The following FAAH2 variants were observed in gnomAD, a reference collection of about 807,000 sequenced individuals.
FAAH2 encodes the protein fatty acid amide hydrolase 2.
In FAAH2, 60 loss-of-function variants were observed where a neutral mutation model predicts 36.9. The observed-to-expected ratio is 1.63, with a 90% confidence interval of 1.32 to 2.02. The LOEUF (loss-of-function observed/expected upper bound fraction) is 2.02, where lower values mean the gene tolerates loss of function less well. Ranked by LOEUF, FAAH2 falls within the 30% of genes most tolerant of loss-of-function variation. FAAH2 has a pLI of 0.00. For missense variants in FAAH2, 689 were observed against 397.5 expected (o/e 1.73, Z -6.23); for synonymous variants, 214 against 143.8 (o/e 1.49, Z -3.49).
chrX:57,270,860 C>T, the FAAH2 span, among the ~76,000 whole-genome samples: 1 of 112,225 alleles, frequency 8.9e-6, no homozygotes, highest in Non-Finnish European at 1.9e-5. Flanking sequence ...GGTGCCTACC[C>T]CACCAAGGCC....
intron 8 of FAAH2, among the ~76,000 whole-genome samples, chrX:57,437,914 C>T (rs895359024): frequency 3.0e-5 from 3 of 100,695 alleles, no homozygotes; most frequent in Non-Finnish European, 4.0e-5. Flanking sequence ...TATATACATA[C>T]GTACATGTAT....
In FAAH2 at chrX:57,341,264, C is replaced by T. The variant is rs775496620; in HGVS notation, c.623-7C>T. 4 of 1,198,229 alleles carry T rather than the reference C, an allele frequency of 3.3e-6. No individual in the cohort carries two copies. Among genetic ancestry groups the T allele is most frequent in the Non-Finnish European group, 4.5e-6 (4 of 889,741 alleles). On this transcript the variant is annotated splice_region_variant and splice_polypyrimidine_tract_variant and intron_variant, in intron 4 of 10. Transcript: ENST00000374900. Reference sequence around the variant, plus strand: ...ATTTATTTGCAAGTATTTTGTGTTTCTTGTAGGTGGTGAGGGCTGCACACT... The same window carrying T: ...ATTTATTTGCAAGTATTTTGTGTTTTTTGTAGGTGGTGAGGGCTGCACACT...
intron 3 of FAAH2, among the ~76,000 whole-genome samples, chrX:57,321,774 A>G (rs772894584): frequency 9.1e-6 from 1 of 110,386 alleles, no homozygotes; most frequent in Non-Finnish European, 1.9e-5. Flanking sequence ...ATATGTATGG[A>G]TTTGTTGCTG....
chrX:57,472,394 CAAGA>C (rs746793653), intron 10 of FAAH2, among the ~76,000 whole-genome samples: 2 of 112,157 alleles, frequency 1.8e-5, no homozygotes, highest in African/African-American at 6.5e-5. Context: ...AACAAATTTA[CAAGA>C]AAGAAACAAC....
At chrX:57,214,363 A>G in the FAAH2 span, among the ~76,000 whole-genome samples, 1 of 111,843 alleles carries the variant, frequency 8.9e-6, no homozygotes, top group Admixed American at 9.5e-5. Context: ...TTGTAGATTT[A>G]CTAGTTCTCT....
At chrX:57,479,596 T>G (rs772578419) in intron 10 of FAAH2, among the ~76,000 whole-genome samples, 1 of 111,796 alleles carries the variant, frequency 8.9e-6, no homozygotes, top group East Asian at 2.8e-4. Context: ...TTCCAGTTTT[T>G]GCCTATTTAG....
chrX:57,123,957 TGTTCACTCTGATGGTA>T, the FAAH2 span, among the ~76,000 whole-genome samples: 1 of 112,029 alleles, frequency 8.9e-6, no homozygotes, highest in African/African-American at 3.3e-5. Context: ...GTAGGTTGCC[TGTTCACTCTGATGGTA>T]GTTTCTTTTG....
At chrX:57,419,163 T>A (rs1430705137) in intron 7 of FAAH2, among the ~76,000 whole-genome samples, 4 of 110,705 alleles carry the variant, frequency 3.6e-5, no homozygotes, top group African/African-American at 1.3e-4. Flanking sequence ...TTGTGAATAG[T>A]GCCACAATAA....
In FAAH2 at chrX:57,423,697, G is replaced by C. The variant is rs1290512659; in HGVS notation, c.997-8221G>C. ...GTGTTAGAATTGCTATCTAACTCCTGTCTGGGCTGGTGCTTGTGCGTGCCA... is the reference window on the plus strand; with the variant it reads ...GTGTTAGAATTGCTATCTAACTCCTCTCTGGGCTGGTGCTTGTGCGTGCCA... On this transcript the variant is annotated intron_variant, in intron 7 of 10. Coordinates refer to ENST00000374900, the MANE Select transcript of FAAH2 (RefSeq NM_174912.4). Among the ~76,000 whole-genome samples, 3 of 111,226 alleles carry C rather than the reference G, an allele frequency of 2.7e-5. 1 individual carries two copies. The highest frequency in any genetic ancestry group is 1.9e-4 in the Admixed American group (2 of 10,456).
the FAAH2 span, among the ~76,000 whole-genome samples, chrX:57,218,211 C>G: frequency 9.0e-6 from 1 of 111,684 alleles, no homozygotes; most frequent in Non-Finnish European, 1.9e-5. Context: ...TCTGATTGCT[C>G]TGGCTAGATC....
chrX:57,374,882 C>T (rs1001469830), intron 5 of FAAH2, among the ~76,000 whole-genome samples: 4 of 111,312 alleles, frequency 3.6e-5, no homozygotes, highest in East Asian at 5.6e-4. Flanking sequence ...AGGTATGTCC[C>T]TTGTATGCCG....
chrX:57,401,628 T>C (rs954088444), intron 7 of FAAH2, among the ~76,000 whole-genome samples: 4 of 111,588 alleles, frequency 3.6e-5, no homozygotes. Flanking sequence ...TTTTAGGTCT[T>C]TAACAATCTT....
the FAAH2 span, among the ~76,000 whole-genome samples, chrX:57,161,445 A>G: frequency 9.0e-6 from 1 of 110,864 alleles, no homozygotes; most frequent in Non-Finnish European, 1.9e-5. Flanking sequence ...GATCTGTCTA[A>G]TGTCGACAGT....
the FAAH2 span, among the ~76,000 whole-genome samples, chrX:57,159,464 A>G: frequency 9.0e-6 from 1 of 111,305 alleles, no homozygotes; most frequent in Non-Finnish European, 1.9e-5. Context: ...GATTCTTCCT[A>G]CCCATGAGCA....
the FAAH2 span, among the ~76,000 whole-genome samples, chrX:57,270,765 T>C: frequency 9.0e-6 from 1 of 111,325 alleles, no homozygotes; most frequent in African/African-American, 3.3e-5. Context: ...AGAGAACCCA[T>C]GAGGGTCTAA....
chrX:57,147,495 T>A, the FAAH2 span, among the ~76,000 whole-genome samples: 1 of 112,160 alleles, frequency 8.9e-6, no homozygotes, highest in African/African-American at 3.2e-5. Flanking sequence ...TATTTATCTT[T>A]TAAAAGAACC....
chrX:57,279,093 C>T, the FAAH2 span, among the ~76,000 whole-genome samples: 362 of 111,973 alleles, frequency 3.2e-3, 2 homozygotes, highest in African/African-American at 0.011. Flanking sequence ...CCCAGCAATC[C>T]CATTACTGGG....
intron 5 of FAAH2, among the ~76,000 whole-genome samples, chrX:57,351,721 A>C (rs2054003576): frequency 9.2e-6 from 1 of 108,603 alleles, no homozygotes; most frequent in African/African-American, 3.3e-5. Context: ...TAGAAAACCT[A>C]TCAGAAACAG....
At chrX:57,403,218 G>A (rs141823104) in intron 7 of FAAH2, among the ~76,000 whole-genome samples, 72 of 112,125 alleles carry the variant, frequency 6.4e-4, no homozygotes, top group African/African-American at 2.0e-3. Flanking sequence ...AACAAACATA[G>A]GGACGCCAGC....
Sources: gnomAD v4.1 joint callset for allele counts (sites outside exome capture counted in the v4.1 genomes callset) on GRCh38, gnomAD v4.1.1 for gene constraint, MANE v1.5 for transcripts, NCBI Gene and HGNC (gene_info 2026-07-23, HGNC 2026-07-21) for gene names.